The following FHOD3 variants were observed in gnomAD, a reference collection of about 807,000 sequenced individuals.
The protein encoded by FHOD3 is FH1/FH2 domain-containing protein 3.
FHOD3 carries 90 observed loss-of-function variants against 173.0 expected under a neutral mutation model. That is an observed-to-expected ratio of 0.52 (90% CI 0.44 to 0.62). The LOEUF (loss-of-function observed/expected upper bound fraction) is 0.62. Among genes scored for constraint, FHOD3 ranks in the 20% least tolerant of loss-of-function variants. FHOD3 has a pLI of 0.00. For synonymous variants in FHOD3, 828 were observed against 823.0 expected, an observed-to-expected ratio of 1.01 and a Z score of -0.10; for missense variants, 1,945 against 2,034.7, an observed-to-expected ratio of 0.96 and a Z score of 0.85.
chr18:36,716,908 A>ATGTGTGTGTGTG (rs1345159982), intron 18 of FHOD3, among the ~76,000 whole-genome samples: 8 of 135,342 alleles, frequency 5.9e-5, no homozygotes, highest in African/African-American at 2.2e-4. Flanking sequence ...GAAATTATAT[A>ATGTGTGTGTGTG]TGTGTATGTG....
intron 6 of FHOD3, among the ~76,000 whole-genome samples, chr18:36,576,885 G>A (rs1010345113): frequency 1.3e-5 from 2 of 152,152 alleles, no homozygotes; most frequent in South Asian, 2.1e-4. Flanking sequence ...GGTGGATCAC[G>A]AGATCGAGAC....
intron 8 of FHOD3, among the ~76,000 whole-genome samples, chr18:36,606,992 C>T (rs2032150857): frequency 6.6e-6 from 1 of 152,230 alleles, no homozygotes; most frequent in Admixed American, 6.5e-5. Flanking sequence ...TTGCTGGGCT[C>T]AGCCCACGCT....
Position 36,759,160 on chromosome 18 carries a change from A to G in FHOD3, c.4449+19A>G, listed in dbSNP as rs1210242996. 12 of 1,535,498 alleles carry G rather than the reference A, an allele frequency of 7.8e-6. No individual in the cohort carries two copies. The African/African-American group carries it at 1.4e-4, about 18-fold the overall frequency. On this transcript the variant is annotated intron_variant, in intron 26 of 28. Transcript: ENST00000590592. ...AGTTGAGGTATGACCATTTATGAACATGAAGAATGCCACATTTTACCACCT... is the reference window on the plus strand; with the variant it reads ...AGTTGAGGTATGACCATTTATGAACGTGAAGAATGCCACATTTTACCACCT...
intron 4 of FHOD3, among the ~76,000 whole-genome samples, chr18:36,508,454 A>G (rs1329261087): frequency 6.6e-6 from 1 of 152,186 alleles, no homozygotes; most frequent in Non-Finnish European, 1.5e-5. Context: ...TTATACAGAG[A>G]GCAAGAAAGC....
intron 5 of FHOD3, among the ~76,000 whole-genome samples, chr18:36,516,369 G>C (rs1359915354): frequency 6.6e-6 from 1 of 152,170 alleles, no homozygotes; most frequent in Admixed American, 6.5e-5. Context: ...CCATGAGGTG[G>C]GGGGAGAGGC....
chr18:36,615,439 C>T (rs527708416), intron 9 of FHOD3, among the ~76,000 whole-genome samples: 32 of 151,882 alleles, frequency 2.1e-4, no homozygotes, highest in Non-Finnish European at 3.1e-4. Context: ...TTATTACTAA[C>T]CATTTTTAAC....
chr18:36,420,711 G>A lies in FHOD3; in HGVS notation c.337+47967G>A, dbSNP rs75175689. ...AACCATCTTCTAGGAGAGGGGTCAG[G>A]TGGTACTGCTAGTTTTTGGCCAGTT... On this transcript the variant is annotated intron_variant, in intron 3 of 28. Transcript: ENST00000590592. 9.5e-4 allele frequency among the ~76,000 whole-genome samples: 145 copies of A among 152,284 alleles called. 1 individual carries two copies. The East Asian group carries it at 0.027, about 29-fold the overall frequency.
At chr18:36,374,663 A>G (rs2047350504) in intron 3 of FHOD3, among the ~76,000 whole-genome samples, 1 of 152,262 alleles carries the variant, frequency 6.6e-6, no homozygotes, top group Non-Finnish European at 1.5e-5. Context: ...CTGGACTTCA[A>G]AGAAACTAGA....
intron 3 of FHOD3, among the ~76,000 whole-genome samples, chr18:36,444,914 T>C (rs2051379254): frequency 1.3e-5 from 2 of 152,226 alleles, no homozygotes; most frequent in Non-Finnish European, 2.9e-5. Flanking sequence ...GCCTCATGCA[T>C]GTGTATTTTC....
intron 24 of FHOD3, among the ~76,000 whole-genome samples, chr18:36,747,901 C>T (rs1277502332): frequency 3.3e-5 from 5 of 152,164 alleles, no homozygotes; most frequent in African/African-American, 1.2e-4. Context: ...ATTCTTCCTT[C>T]CTCCCTCCCT....
intron 2 of FHOD3, among the ~76,000 whole-genome samples, chr18:36,361,804 T>C (rs1022115408): frequency 6.6e-6 from 1 of 152,120 alleles, no homozygotes; most frequent in African/African-American, 2.4e-5. Flanking sequence ...TGAAGAACTT[T>C]AGAACCTTCC....
chr18:36,678,822 T>C (rs1455523346), intron 14 of FHOD3, among the ~76,000 whole-genome samples: 1 of 152,212 alleles, frequency 6.6e-6, no homozygotes, highest in Non-Finnish European at 1.5e-5. Context: ...AAACCCAATG[T>C]GATTTTGTTT....
chr18:36,323,194 T>C (rs1378410290), intron 1 of FHOD3, among the ~76,000 whole-genome samples: 1 of 152,138 alleles, frequency 6.6e-6, no homozygotes, highest in African/African-American at 2.4e-5. Context: ...GCTCCTCCTC[T>C]GTGTGTTATG....
chr18:36,371,862 G>C (rs532800347), intron 2 of FHOD3, among the ~76,000 whole-genome samples: 3 of 152,130 alleles, frequency 2.0e-5, no homozygotes, highest in African/African-American at 7.2e-5. Context: ...CACACTACCT[G>C]CTGCCATGCT....
rs547146270 is a variant in FHOD3 at position 36,411,082 on chromosome 18, G to A, written c.337+38338G>A. Among the ~76,000 whole-genome samples, 307 of 152,020 alleles carry A rather than the reference G, an allele frequency of 2.0e-3. 1 individual carries two copies. The highest frequency in any genetic ancestry group is 3.7e-3 in the Non-Finnish European group (252 of 67,962). On this transcript the variant is annotated intron_variant, in intron 3 of 28. Transcript: ENST00000590592. The stretch of plus-strand genomic sequence containing the variant: ...TTAGTTTTATATCTAAGAAATAATT[G>A]CCTAATCCAAGGCCATGAAGATTTA...
At chr18:36,321,161 T>C (rs1041926632) in intron 1 of FHOD3, among the ~76,000 whole-genome samples, 8 of 152,138 alleles carry the variant, frequency 5.3e-5, no homozygotes, top group Non-Finnish European at 1.2e-4. Context: ...CAGAAATGTT[T>C]CCAACAGTGT....
At chr18:36,400,704 G>T (rs2048764611) in intron 3 of FHOD3, among the ~76,000 whole-genome samples, 1 of 152,206 alleles carries the variant, frequency 6.6e-6, no homozygotes, top group Admixed American at 6.5e-5. Context: ...CTGAGAGCAG[G>T]CCTTACCCTG....
At chr18:36,569,865 T>C (rs745509300) in intron 5 of FHOD3, among the ~76,000 whole-genome samples, 6 of 152,098 alleles carry the variant, frequency 3.9e-5, no homozygotes, top group Non-Finnish European at 5.9e-5. Context: ...AGCAAACGTT[T>C]TGTACTAAAT....
chr18:36,675,169 C>T (rs1276562788), intron 14 of FHOD3, among the ~76,000 whole-genome samples: 1 of 152,100 alleles, frequency 6.6e-6, no homozygotes, highest in Non-Finnish European at 1.5e-5. Context: ...TCCCCACCCT[C>T]CATGGCCACC....
Sources: allele counts gnomAD v4.1 joint callset (sites outside exome capture counted in the v4.1 genomes callset), GRCh38; gene constraint gnomAD v4.1.1; transcripts MANE v1.5; gene names NCBI Gene and HGNC (gene_info 2026-07-23, HGNC 2026-07-21).